Variants in HDAC4 observed in about 807,000 individuals in gnomAD.
HDAC4 encodes histone deacetylase A.
A neutral mutation model predicts 135.1 loss-of-function variants in HDAC4; 16 were observed. The ratio of observed to expected loss-of-function variants is 0.12; its 90% CI spans 0.08 to 0.18. HDAC4 has a LOEUF of 0.18. Among genes scored for constraint, HDAC4 ranks in the 10% least tolerant of loss-of-function variants. The pLI is 1.00. For missense variants in HDAC4, 1,143 were observed against 1,511.8 expected (o/e 0.76, Z 4.05); for synonymous variants, 685 against 653.4 (o/e 1.05, Z -0.74).
chr2:239,184,849 C>T (rs1208666668), intron 4 of HDAC4, among the ~76,000 whole-genome samples: 1 of 75,696 alleles, frequency 1.3e-5, no homozygotes, highest in African/African-American at 5.0e-5. Context: ...TGGGGGGTCC[C>T]TCAGTGTCTG....
chr2:239,066,674 G>A (rs750362458), intron 24 of HDAC4, 48 bp downstream of exon 24: 41 of 1,612,268 alleles, frequency 2.5e-5, no homozygotes, highest in South Asian at 1.9e-4. Context: ...CCACAACCCC[G>A]AGCCTGTCAG....
chr2:239,265,578 CT>C (rs146231929), intron 2 of HDAC4, among the ~76,000 whole-genome samples: 4,783 of 152,274 alleles, frequency 0.031, 278 homozygotes, highest in African/African-American at 0.11. Context: ...CCCTTTGCCC[CT>C]GACTCTCCTG....
chr2:239,142,691 T>G (rs1448980102), intron 8 of HDAC4, among the ~76,000 whole-genome samples: 37 of 150,770 alleles, frequency 2.5e-4, no homozygotes, highest in African/African-American at 9.1e-4. Context: ...TCGGCACTGA[T>G]CATGCCCTGT....
At chr2:239,086,522 TCTGA>T (rs1168814407) in intron 19 of HDAC4, among the ~76,000 whole-genome samples, 1 of 151,856 alleles carries the variant, frequency 6.6e-6, no homozygotes, top group Non-Finnish European at 1.5e-5. Context: ...AACATGTGGA[TCTGA>T]CTATCTCTCA....
intron 2 of HDAC4, among the ~76,000 whole-genome samples, chr2:239,343,361 C>T (rs1331410118): frequency 6.6e-6 from 1 of 152,210 alleles, no homozygotes; most frequent in Non-Finnish European, 1.5e-5. Context: ...CTCCTTCAGT[C>T]CCAACATTCT....
At chr2:239,353,467 G>A (rs1030918679) in intron 1 of HDAC4, among the ~76,000 whole-genome samples, 4 of 152,160 alleles carry the variant, frequency 2.6e-5, no homozygotes, top group Middle Eastern at 3.2e-3. Context: ...CAGTACCACT[G>A]GGATTTTGGT....
chr2:239,116,396 G>C (rs923688597), intron 12 of HDAC4, among the ~76,000 whole-genome samples: 1 of 152,204 alleles, frequency 6.6e-6, no homozygotes, highest in Non-Finnish European at 1.5e-5. Flanking sequence ...TCTCTGGCCA[G>C]CTGTCCAGTC....
In HDAC4 at chr2:239,337,456, T is replaced by C. The variant is rs544868893; in HGVS notation, c.22+15222A>G. On this transcript the variant is annotated intron_variant, in intron 2 of 26. Transcript: ENST00000543185. Reference sequence around the variant, plus strand: ...GTCGGTTATCGCTGCAAACTTCCTCTCTCTAACAGGAAGAAATCAGGACTC... The same window carrying C: ...GTCGGTTATCGCTGCAAACTTCCTCCCTCTAACAGGAAGAAATCAGGACTC... Among the ~76,000 whole-genome samples the C allele has an allele frequency of 8.5e-5, 13 of 152,124 alleles. No homozygotes were observed. In the South Asian group the frequency reaches 2.7e-3, roughly 32 times the overall value.
At chr2:239,190,132 GC>G in intron 3 of HDAC4, 55 bp from the exon 4 acceptor site, 1 of 1,519,540 alleles carries the variant, frequency 6.6e-7, no homozygotes, top group Admixed American at 1.8e-5. Flanking sequence ...CTGTCCCTGG[GC>G]CCCAGAGCCC....
At chr2:239,184,567 T>C (rs2044389144) in intron 4 of HDAC4, among the ~76,000 whole-genome samples, 2 of 119,854 alleles carry the variant, frequency 1.7e-5, no homozygotes, top group Non-Finnish European at 3.4e-5. Flanking sequence ...GTGTCTGTCC[T>C]GGAGGCTGTG....
At chr2:239,274,189 CG>C in intron 2 of HDAC4, among the ~76,000 whole-genome samples, 1 of 152,122 alleles carries the variant, frequency 6.6e-6, no homozygotes, top group Non-Finnish European at 1.5e-5. Context: ...TAGATTTGGA[CG>C]GGGGTATCAC....
chr2:239,160,269 C>T (rs2042708671), intron 6 of HDAC4, among the ~76,000 whole-genome samples: 1 of 152,152 alleles, frequency 6.6e-6, no homozygotes, highest in African/African-American at 2.4e-5. Flanking sequence ...AATAAGACAC[C>T]GTAGGTCCTT....
intron 2 of HDAC4, among the ~76,000 whole-genome samples, chr2:239,310,114 C>T (rs536387447): frequency 7.9e-5 from 12 of 152,360 alleles, no homozygotes; most frequent in African/African-American, 2.9e-4. Flanking sequence ...ACCCCAGGAC[C>T]CCCTGCTGGG....
chr2:239,288,065 T>TAA (rs1323319237), intron 2 of HDAC4, among the ~76,000 whole-genome samples: 4 of 116,660 alleles, frequency 3.4e-5, no homozygotes, highest in African/African-American at 1.4e-4. Flanking sequence ...TCCCTGTAAG[T>TAA]TAAAAAAAAA....
intron 3 of HDAC4, among the ~76,000 whole-genome samples, chr2:239,195,449 G>A (rs1307160093): frequency 6.6e-6 from 1 of 152,206 alleles, no homozygotes; most frequent in Admixed American, 6.5e-5. Context: ...GAGCCGGGTG[G>A]GTGGGGATGA....
At position 239,308,383 on chromosome 2, in the gene HDAC4, T is replaced by C. The variant is rs193162943; in HGVS notation, c.22+44295A>G. Among the ~76,000 whole-genome samples, 52 of 152,228 alleles carry C rather than the reference T, an allele frequency of 3.4e-4. No individual in the cohort carries two copies. Among genetic ancestry groups the C allele is most frequent in the Non-Finnish European group, 6.3e-4 (43 of 68,008 alleles). On this transcript the variant is annotated intron_variant, in intron 2 of 26. Coordinates refer to ENST00000543185, the MANE Select transcript of HDAC4 (RefSeq NM_001378414.1). This position sits in a 1 kb window ranked among gnomAD's most constrained non-coding sequence, Gnocchi z 4.2. ...GCTTTCCTAATAAGAATTCCACACT[T>C]CCATGAGGCTGTAATCAACTTGGGA...
intron 2 of HDAC4, among the ~76,000 whole-genome samples, chr2:239,241,306 C>T (rs915118243): frequency 6.6e-6 from 1 of 152,212 alleles, no homozygotes; most frequent in African/African-American, 2.4e-5. Flanking sequence ...CCCTTGGGAC[C>T]TGCCTGGGAA....
chr2:239,132,560 C>T (rs915183322), intron 11 of HDAC4, among the ~76,000 whole-genome samples: 3 of 152,172 alleles, frequency 2.0e-5, no homozygotes, highest in African/African-American at 2.4e-5. Flanking sequence ...GCACGGTGGG[C>T]AGGTCCCCAT....
chr2:239,129,505 TCC>T (rs2040421710), intron 11 of HDAC4, among the ~76,000 whole-genome samples: 1 of 152,186 alleles, frequency 6.6e-6, no homozygotes, highest in African/African-American at 2.4e-5. Flanking sequence ...TCTGGGCTCC[TCC>T]CCTGGGCATC....
Sources: allele counts gnomAD v4.1 joint callset (sites outside exome capture counted in the v4.1 genomes callset), GRCh38; gene constraint gnomAD v4.1.1; non-coding constraint Gnocchi (gnomAD v3.1); transcripts MANE v1.5; gene names NCBI Gene and HGNC (gene_info 2026-07-23, HGNC 2026-07-21).